The following SLC35A3 variants were observed in gnomAD, a reference collection of about 807,000 sequenced individuals.
The protein encoded by SLC35A3 is UDP-N-acetylglucosamine transporter.
In SLC35A3, 26 loss-of-function variants were observed where a neutral mutation model predicts 39.0. The observed-to-expected ratio is 0.67, with a 90% CI of 0.49 to 0.92. The LOEUF is 0.92. SLC35A3 is among the 40% of genes least tolerant of loss of function. SLC35A3 has a pLI of 0.00. For synonymous variants in SLC35A3, 135 were observed against 133.1 expected (o/e 1.01, Z -0.10); for missense variants, 299 against 371.6 (o/e 0.80, Z 1.61).
Position 99,995,620 on chromosome 1 carries a change from TG to T in SLC35A3, c.187+1885del, listed in dbSNP as rs1372045391. Among the ~76,000 whole-genome samples, 5 of 152,258 alleles carry T rather than the reference TG, an allele frequency of 3.3e-5. 1 individual carries two copies. Among genetic ancestry groups the T allele is most frequent in the Middle Eastern group, 6.8e-3 (2 of 294 alleles). On this transcript the variant is annotated intron_variant, in intron 2 of 7. Coordinates refer to ENST00000533028, the MANE Select transcript of SLC35A3 (RefSeq NM_012243.3). Reference sequence around the variant, plus strand: ...AATTAATGATATATATAAATAGATTTGGGGGGAAATTAAAGCTGCTTTTTGC... The same window carrying T: ...AATTAATGATATATATAAATAGATTTGGGGGAAATTAAAGCTGCTTTTTGC...
rs977455899 is a variant in SLC35A3 at position 100,031,193 on chromosome 1, G to C, written c.*8717G>C. On this transcript the variant is annotated 3_prime_UTR_variant, in exon 8 of 8. Transcript: ENST00000533028. Reference sequence around the variant, plus strand: ...TAAAAAACTCATGGGCTACCTCCATGAACTCACACATGCGGCATTGTTAAA... The same window carrying C: ...TAAAAAACTCATGGGCTACCTCCATCAACTCACACATGCGGCATTGTTAAA... The C allele has an allele frequency of 4.6e-5, 7 of 152,114 alleles. No individual in the cohort carries two copies. The highest frequency in any genetic ancestry group is 3.9e-4 in the Admixed American group (6 of 15,274). The allele number at this position is 152,114 out of a possible 1,614,324, so 9.4% of individuals were successfully genotyped here.
Position 99,999,265 on chromosome 1 carries a change from T to C in SLC35A3, c.192T>C (p.Cys64=), listed in dbSNP as rs1658606789. 2 of 1,516,038 alleles carry C rather than the reference T, an allele frequency of 1.3e-6. No homozygotes were observed. The highest frequency in any genetic ancestry group is 1.8e-6 in the Non-Finnish European group (2 of 1,133,216). 93.9% of individuals were successfully genotyped at this position (1,516,038 alleles called of 1,614,324 possible). A position where few individuals can be genotyped will look rare whatever the true frequency, so the allele number is the denominator to read the frequency against. ...TTTTCTCATATTATTTTCTAGAATGTAGTCTAAGAGCACTGAATCGAGTAC... is the reference window on the plus strand; with the variant it reads ...TTTTCTCATATTATTTTCTAGAATGCAGTCTAAGAGCACTGAATCGAGTAC... ...CILLVYKDSK[C]SLRALNRVLH... is the part of the protein sequence containing the mutation. The change falls in exon 3 of 8, where the codon TGT becomes TGC. Residue 64 remains cysteine (C), a synonymous_variant. Coordinates refer to ENST00000533028, the MANE Select transcript of SLC35A3 (RefSeq NM_012243.3).
At chr1:100,000,858 C>A (rs1050417377) in intron 3 of SLC35A3, 3 of 151,326 alleles carry the variant, frequency 2.0e-5, no homozygotes, top group Admixed American at 2.0e-4. Context: ...ATGTTTACAT[C>A]TTTAATCCAT....
intron 6 of SLC35A3, 34 bp downstream of exon 6, chr1:100,015,454 T>C: frequency 1.9e-6 from 3 of 1,573,358 alleles, no homozygotes; most frequent in Non-Finnish European, 2.6e-6. Flanking sequence ...TTAATGCTAA[T>C]AAACTGTATT....
chr1:100,006,783 C>T (rs527712161), intron 3 of SLC35A3, among the ~76,000 whole-genome samples: 1 of 152,292 alleles, frequency 6.6e-6, no homozygotes, highest in South Asian at 2.1e-4. Flanking sequence ...TCTTTGCTTT[C>T]ATGTTGCAAC....
At chr1:99,981,472 A>C (rs991069487) in intron 1 of SLC35A3, among the ~76,000 whole-genome samples, 3 of 151,914 alleles carry the variant, frequency 2.0e-5, no homozygotes, top group Non-Finnish European at 2.9e-5. Flanking sequence ...ATTTTATTTT[A>C]TTTTATTATT....
At chr1:99,978,365 A>G (rs1001528875) in intron 1 of SLC35A3, among the ~76,000 whole-genome samples, 2 of 152,094 alleles carry the variant, frequency 1.3e-5, no homozygotes, top group Non-Finnish European at 2.9e-5. Context: ...AGATAAAAAA[A>G]AATTTAAAAA....
intron 7 of SLC35A3, among the ~76,000 whole-genome samples, chr1:100,020,393 C>T (rs1660452196): frequency 6.6e-6 from 1 of 152,086 alleles, no homozygotes; most frequent in Admixed American, 6.5e-5. Context: ...CATGCCATTC[C>T]AAAGTTCCAG....
intron 1 of SLC35A3, among the ~76,000 whole-genome samples, chr1:99,986,174 T>C (rs1657728730): frequency 6.6e-6 from 1 of 151,442 alleles, no homozygotes; most frequent in Admixed American, 6.6e-5. Flanking sequence ...ACTTTTTTTT[T>C]TTTTTTTTGA....
rs1045617075 is a variant in SLC35A3, at chr1:100,023,068, A to G, written c.*592A>G. On this transcript the variant is annotated 3_prime_UTR_variant, in exon 8 of 8. Transcript: ENST00000533028. ...TATTCTGGGTCTGATCTGTCAGAGA[A>G]TAAATATCAAATCTAAATTTAATGT... The G allele has an allele frequency of 1.3e-5, 2 of 152,298 alleles. No individual in the cohort carries two copies. Among genetic ancestry groups the G allele is most frequent in the Non-Finnish European group, 2.9e-5 (2 of 68,026 alleles). 9.4% of individuals were successfully genotyped at this position (152,298 alleles called of 1,614,324 possible).
At chr1:99,986,421 G>A (rs1570577565) in intron 1 of SLC35A3, among the ~76,000 whole-genome samples, 3 of 151,320 alleles carry the variant, frequency 2.0e-5, no homozygotes, top group Non-Finnish European at 2.9e-5. Flanking sequence ...CTGCCCCTGC[G>A]CCTGGCCATA....
Sources: allele counts gnomAD v4.1 joint callset (sites outside exome capture counted in the v4.1 genomes callset), GRCh38; gene constraint gnomAD v4.1.1; transcripts MANE v1.5; gene names NCBI Gene and HGNC (gene_info 2026-07-23, HGNC 2026-07-21).